Variants in PUM3 observed in about 807,000 individuals in gnomAD.
The protein encoded by PUM3 is pumilio homolog 3.
Under a neutral mutation model 84.0 loss-of-function variants are expected in PUM3, and 91 were observed. The ratio of observed to expected loss-of-function variants is 1.08; its 90% confidence interval spans 0.91 to 1.29. The LOEUF (loss-of-function observed/expected upper bound fraction) is 1.29. Ranked by LOEUF, PUM3 falls within the 50% of genes most tolerant of loss-of-function variation. The pLI is 0.00. For missense variants in PUM3, 1,067 were observed against 767.5 expected (o/e 1.39, Z -4.61); for synonymous variants, 321 against 266.7 (o/e 1.20, Z -1.98).
intron 3 of PUM3, 84 bp downstream of exon 3, chr9:2,837,096 A>C: frequency 8.7e-7 from 1 of 1,142,904 alleles, no homozygotes; most frequent in East Asian, 2.4e-5. Flanking sequence ...AAGGAATAAG[A>C]ATGTGAGGTT....
intron 13 of PUM3, among the ~76,000 whole-genome samples, chr9:2,816,146 C>T (rs894232139): frequency 3.9e-5 from 6 of 152,126 alleles, no homozygotes; most frequent in African/African-American, 1.2e-4. Context: ...TCCACTCTTA[C>T]GGTAGTTTGC....
intron 8 of PUM3, 42 bp from the exon 9 acceptor site, chr9:2,828,820 A>C (rs1490043201): frequency 1.2e-5 from 13 of 1,102,708 alleles, no homozygotes; most frequent in Non-Finnish European, 1.5e-5. Context: ...AAATTTAATC[A>C]ATTTTTTCAC....
intron 17 of PUM3, among the ~76,000 whole-genome samples, chr9:2,806,806 C>A (rs575854501): frequency 6.6e-6 from 1 of 152,238 alleles, no homozygotes; most frequent in Non-Finnish European, 1.5e-5. Flanking sequence ...AAATGCTCTT[C>A]CAATCCTTTT....
intron 13 of PUM3, among the ~76,000 whole-genome samples, chr9:2,815,825 A>C (rs911708437): frequency 1.3e-5 from 2 of 152,242 alleles, no homozygotes; most frequent in African/African-American, 4.8e-5. Context: ...GTTAACTTAC[A>C]GAAAATTCAC....
intron 5 of PUM3, 104 bp from the exon 6 acceptor site, chr9:2,831,448 T>A (rs1031538196): frequency 2.6e-5 from 19 of 720,586 alleles, no homozygotes; most frequent in Non-Finnish European, 4.6e-5. Flanking sequence ...AAAAAGGTAG[T>A]CTTCATGAAT....
intron 1 of PUM3, among the ~76,000 whole-genome samples, 153 bp downstream of exon 1, chr9:2,843,892 T>C (rs921728283): frequency 3.3e-5 from 5 of 152,150 alleles, no homozygotes; most frequent in African/African-American, 4.8e-5. Flanking sequence ...CCGCCCTTCT[T>C]GCCAGGCTCC....
intron 5 of PUM3, among the ~76,000 whole-genome samples, chr9:2,831,643 T>C (rs1815984096): frequency 6.6e-6 from 1 of 152,200 alleles, no homozygotes; most frequent in Non-Finnish European, 1.5e-5. Flanking sequence ...CTGATGATTA[T>C]ACAGACTATA....
intron 3 of PUM3, among the ~76,000 whole-genome samples, chr9:2,835,311 G>C (rs1408653388): frequency 6.6e-6 from 1 of 152,096 alleles, no homozygotes; most frequent in Non-Finnish European, 1.5e-5. Flanking sequence ...CCAGCTACTT[G>C]GGAGGCTGAG....
intron 13 of PUM3, among the ~76,000 whole-genome samples, chr9:2,817,523 A>T (rs1384288664): frequency 6.6e-6 from 1 of 152,246 alleles, no homozygotes; most frequent in Non-Finnish European, 1.5e-5. Flanking sequence ...GAGAAAAGAA[A>T]AAAAGCAAGA....
Position 2,804,392 on chromosome 9 carries a change from A to C in PUM3, c.1886T>G (p.Leu629Trp). Residue 629 changes from leucine (L) to tryptophan (W), a missense_variant, in exon 18 of 18, where the codon TTG (leucine) becomes TGG (tryptophan). Coordinates refer to ENST00000397885, the MANE Select transcript of PUM3 (RefSeq NM_014878.5). ...TTTGCTGGTGCTTTTGGTTTTTTCC[A>C]ATGTAGGAATCAAGCTTTTCAGTGC... is the stretch of plus-strand genomic sequence containing the variant. ...KAALKSLIPT[L>W]EKTKSTSKGI... 1 of 1,613,986 alleles carries C rather than the reference A, an allele frequency of 6.2e-7. No individual in the cohort carries two copies. Among genetic ancestry groups the C allele is most frequent in the Non-Finnish European group, 8.5e-7 (1 of 1,179,962 alleles).
At chr9:2,814,719 AAAAC>A (rs1278820193) in intron 13 of PUM3, among the ~76,000 whole-genome samples, 8 of 152,222 alleles carry the variant, frequency 5.3e-5, no homozygotes, top group Non-Finnish European at 7.3e-5. Flanking sequence ...TTAAAAAACA[AAAAC>A]AAAAACAAAA....
chr9:2,838,603 G>C (rs1816193458), intron 1 of PUM3, 86 bp from the exon 2 acceptor site: 3 of 784,836 alleles, frequency 3.8e-6, no homozygotes, highest in South Asian at 1.5e-5. Flanking sequence ...GCCACATTTA[G>C]TCCTTCAGTC....
At chr9:2,828,229 G>C (rs1033551141) in intron 9 of PUM3, among the ~76,000 whole-genome samples, 1 of 152,076 alleles carries the variant, frequency 6.6e-6, no homozygotes, top group African/African-American at 2.4e-5. Flanking sequence ...TTTTCGTAGA[G>C]ATGGGGTCTT....
rs1277037213 is a variant in PUM3, at chr9:2,804,164, A to C, written c.*167T>G. On this transcript the variant is annotated 3_prime_UTR_variant, in exon 18 of 18. Transcript: ENST00000397885. ...GAGACAGCTGAGATTTTTAAAAAAG[A>C]CCATTTAAAAAAACAATTTATATAA... The C allele has an allele frequency of 3.4e-6, 2 of 589,338 alleles. No homozygotes were observed. The highest frequency in any genetic ancestry group is 5.5e-6 in the Non-Finnish European group (2 of 365,062). The allele number at this position is 589,338 out of a possible 1,614,324, so 36.5% of individuals were successfully genotyped here. A position where few individuals can be genotyped will look rare whatever the true frequency, so the allele number is the denominator to read the frequency against.
Position 2,824,767 on chromosome 9 carries a change from G to T in PUM3, c.1084C>A (p.His362Asn), listed in dbSNP as rs1165167292. 2.5e-6 allele frequency: 4 copies of T among 1,590,460 alleles called. No homozygotes were observed. The highest frequency in any genetic ancestry group is 3.4e-6 in the Non-Finnish European group (4 of 1,165,058). Residue 362 changes from histidine (H) to asparagine (N), a missense_variant, in exon 11 of 18, where the codon CAC becomes AAC. Coordinates refer to ENST00000397885, the MANE Select transcript of PUM3 (RefSeq NM_014878.5). ...REAVVYLAHT[H>N]DGARVAMHCL... ...TGCATGGCCACTCTGGCGCCATCGT[G>T]TGTGTGTGCCAGGTAGACCACCGCT... is the stretch of plus-strand genomic sequence containing the variant.
At chr9:2,835,895 A>G (rs1352603098) in intron 3 of PUM3, among the ~76,000 whole-genome samples, 1 of 152,212 alleles carries the variant, frequency 6.6e-6, no homozygotes, top group Non-Finnish European at 1.5e-5. Flanking sequence ...CCTCATATCA[A>G]TGTGAGAAAT....
chr9:2,813,175 C>G (rs542393244), intron 13 of PUM3, among the ~76,000 whole-genome samples: 6 of 152,188 alleles, frequency 3.9e-5, no homozygotes, highest in Non-Finnish European at 8.8e-5. Flanking sequence ...GAACAGTAAC[C>G]TCCTTTTCTA....
intron 3 of PUM3, 123 bp downstream of exon 3, chr9:2,837,057 C>T (rs1343056494): frequency 6.4e-6 from 5 of 780,146 alleles, no homozygotes; most frequent in Non-Finnish European, 1.1e-5. Flanking sequence ...TTATTTAAGC[C>T]ACCTACCTGT....
intron 5 of PUM3, among the ~76,000 whole-genome samples, chr9:2,832,825 T>TA (rs1563834309): frequency 3.9e-5 from 6 of 152,218 alleles, no homozygotes; most frequent in African/African-American, 1.4e-4. Flanking sequence ...TTCCAAGCCA[T>TA]TATGTATTAA....
Sources: gnomAD v4.1 joint callset for allele counts (sites outside exome capture counted in the v4.1 genomes callset) on GRCh38, gnomAD v4.1.1 for gene constraint, MANE v1.5 for transcripts, NCBI Gene and HGNC (gene_info 2026-07-23, HGNC 2026-07-21) for gene names.